The following TRIQK variants were observed in gnomAD, a reference collection of about 807,000 sequenced individuals.
TRIQK encodes triple QxxK/R motif-containing protein.
TRIQK carries 10 observed loss-of-function variants against 10.8 expected under a neutral mutation model. That is an observed-to-expected ratio of 0.92 (90% CI 0.57 to 1.57). The LOEUF (loss-of-function observed/expected upper bound fraction) is 1.57, where lower values mean the gene tolerates loss of function less well. TRIQK is among the 40% of genes most tolerant of loss of function. The probability of loss-of-function intolerance (pLI) is 0.00; values close to 1 mark genes in which losing one functional copy is unlikely to be tolerated. For synonymous variants in TRIQK, 33 were observed against 33.7 expected (o/e 0.98, Z 0.07); for missense variants, 107 against 97.7 (o/e 1.09, Z -0.40).
chr8:92,975,192 A>T (rs1490151664), intron 1 of TRIQK, among the ~76,000 whole-genome samples: 1 of 152,224 alleles, frequency 6.6e-6, no homozygotes, highest in Non-Finnish European at 1.5e-5. Context: ...TTTTGGTCCC[A>T]GAGATATGCT....
At chr8:92,963,399 A>G (rs1812554533) in intron 1 of TRIQK, 1 of 152,124 alleles carries the variant, frequency 6.6e-6, no homozygotes, top group Non-Finnish European at 1.5e-5. Context: ...GAAAAGAGCC[A>G]CAGTGAAAAC....
chr8:93,004,481 C>G (rs758695307), intron 1 of TRIQK, among the ~76,000 whole-genome samples: 2 of 152,214 alleles, frequency 1.3e-5, no homozygotes, highest in Admixed American at 6.5e-5. Context: ...TGTGAAATGC[C>G]CTGGAGGTAT....
intron 1 of TRIQK, among the ~76,000 whole-genome samples, chr8:92,991,064 G>A (rs556922994): frequency 2.0e-5 from 3 of 152,266 alleles, no homozygotes; most frequent in East Asian, 1.9e-4. Flanking sequence ...TGGCTTGGTG[G>A]GGGGAGGGAG....
chr8:92,945,983 T>A (rs982193145), intron 2 of TRIQK, among the ~76,000 whole-genome samples: 2 of 151,270 alleles, frequency 1.3e-5, no homozygotes, highest in African/African-American at 2.4e-5. Flanking sequence ...GAAAAAAAAA[T>A]GACTAAAATA....
At chr8:92,894,012 A>G (rs996966967) in intron 3 of TRIQK, among the ~76,000 whole-genome samples, 7 of 152,058 alleles carry the variant, frequency 4.6e-5, no homozygotes, top group African/African-American at 1.7e-4. Flanking sequence ...CTCTACTTCA[A>G]CTGCCATATA....
At chr8:92,981,081 G>A (rs1010152800) in intron 1 of TRIQK, among the ~76,000 whole-genome samples, 8 of 151,604 alleles carry the variant, frequency 5.3e-5, no homozygotes, top group African/African-American at 1.9e-4. Context: ...TATAATTAAT[G>A]TATCTTTTCT....
chr8:92,960,300 TC>T (rs1388377440), intron 1 of TRIQK, among the ~76,000 whole-genome samples: 5 of 152,180 alleles, frequency 3.3e-5, no homozygotes, highest in Non-Finnish European at 7.4e-5. Flanking sequence ...CCATATATCA[TC>T]TTTTTATGAT....
At chr8:92,966,980 C>CAAAAAAAAAAAAAAAAAAA (rs10655820), upstream of TRIQK, among the ~76,000 whole-genome samples, 1 of 68,844 alleles carries the variant, frequency 1.5e-5, no homozygotes, top group Non-Finnish European at 2.6e-5. Context: ...AAGTAGCATA[C>CAAAAAAAAAAAAAAAAAAA]AAAAAAAAAA....
At chr8:92,908,790 C>G (rs1406124393) in intron 3 of TRIQK, among the ~76,000 whole-genome samples, 1 of 151,948 alleles carries the variant, frequency 6.6e-6, no homozygotes, top group East Asian at 1.9e-4. Context: ...AATTTAATTA[C>G]TCAAATGAAT....
intron 2 of TRIQK, among the ~76,000 whole-genome samples, chr8:92,950,048 G>A (rs1189119894): frequency 2.0e-5 from 3 of 152,018 alleles, no homozygotes; most frequent in Admixed American, 1.3e-4. Context: ...GGTATTATTT[G>A]ATCTTTTAAA....
intron 1 of TRIQK, among the ~76,000 whole-genome samples, chr8:92,978,798 T>G (rs1246637068): frequency 1.3e-5 from 2 of 152,124 alleles, no homozygotes; most frequent in African/African-American, 2.4e-5. Flanking sequence ...GTTTGAGAGA[T>G]TCTTACTATA....
Position 92,917,055 on chromosome 8 carries a change from G to A in TRIQK, c.-21-45C>T, listed in dbSNP as rs188677416. On this transcript the variant is annotated intron_variant, in intron 2 of 4. Coordinates refer to ENST00000521988, the MANE Select transcript of TRIQK (RefSeq NM_001171797.2). Reference sequence around the variant, plus strand: ...AATGAAAATTTTTTTAAAAAGGAGTGTCTATAAAATCCAGAAATAGTTTAT... The same window carrying A: ...AATGAAAATTTTTTTAAAAAGGAGTATCTATAAAATCCAGAAATAGTTTAT... The A allele has an allele frequency of 2.8e-3, 3,428 of 1,226,910 alleles. 7 individuals are homozygous for A. Among genetic ancestry groups the A allele is most frequent in the Admixed American group, 3.9e-3 (125 of 32,288 alleles). The allele number at this position is 1,226,910 out of a possible 1,614,324, so 76.0% of individuals were successfully genotyped here.
At chr8:92,926,090 T>C (rs767208243) in intron 2 of TRIQK, among the ~76,000 whole-genome samples, 9 of 151,332 alleles carry the variant, frequency 5.9e-5, no homozygotes, top group African/African-American at 1.2e-4. Context: ...AAAAAAAAAA[T>C]TGGAAGCAGC....
intron 4 of TRIQK, among the ~76,000 whole-genome samples, chr8:92,889,160 A>G (rs1050723315): frequency 6.6e-6 from 1 of 151,652 alleles, no homozygotes; most frequent in Non-Finnish European, 1.5e-5. Flanking sequence ...GAAATTGCTA[A>G]CTGTTCCCTT....
intron 1 of TRIQK, among the ~76,000 whole-genome samples, chr8:92,959,456 T>G (rs1812336560): frequency 6.7e-6 from 1 of 149,690 alleles, no homozygotes; most frequent in Non-Finnish European, 1.5e-5. Context: ...AAGTCTGGGG[T>G]ATACCATCAG....
intron 1 of TRIQK, among the ~76,000 whole-genome samples, chr8:92,995,161 TA>T (rs1261940327): frequency 6.6e-6 from 1 of 152,076 alleles, no homozygotes; most frequent in Non-Finnish European, 1.5e-5. Flanking sequence ...TGTCATTTTT[TA>T]TGTCTTGATC....
At chr8:92,893,850 G>T (rs557030846) in intron 3 of TRIQK, among the ~76,000 whole-genome samples, 1 of 151,542 alleles carries the variant, frequency 6.6e-6, no homozygotes, top group African/African-American at 2.4e-5. Context: ...ATGCTATGGC[G>T]GGGGGTGGGG....
chr8:92,908,949 A>G (rs745710328), intron 3 of TRIQK, among the ~76,000 whole-genome samples: 1 of 152,008 alleles, frequency 6.6e-6, no homozygotes, highest in Non-Finnish European at 1.5e-5. Flanking sequence ...TCAAAAAGCA[A>G]TATACTACTT....
chr8:92,940,542 A>G (rs1014788923), intron 2 of TRIQK, among the ~76,000 whole-genome samples: 3 of 152,194 alleles, frequency 2.0e-5, no homozygotes, highest in Admixed American at 6.5e-5. Context: ...AGGTCATTAT[A>G]TAATAATAAA....
Sources: allele counts gnomAD v4.1 joint callset (sites outside exome capture counted in the v4.1 genomes callset), GRCh38; gene constraint gnomAD v4.1.1; transcripts MANE v1.5; gene names NCBI Gene and HGNC (gene_info 2026-07-23, HGNC 2026-07-21).